Variants in FSTL1 observed in about 807,000 individuals in gnomAD.
The protein encoded by FSTL1 is follistatin-related protein 1.
A neutral mutation model predicts 45.9 loss-of-function variants in FSTL1; 24 were observed. The ratio of observed to expected loss-of-function variants is 0.52; its 90% confidence interval spans 0.38 to 0.74. FSTL1 has a LOEUF of 0.74. Among genes scored for constraint, FSTL1 ranks in the 30% least tolerant of loss-of-function variants. The probability of loss-of-function intolerance (pLI) is 0.00; values close to 1 mark genes in which losing one functional copy is unlikely to be tolerated. For missense variants in FSTL1, 340 were observed against 381.8 expected (o/e 0.89, Z 0.91); for synonymous variants, 120 against 137.6 (o/e 0.87, Z 0.89).
At chr3:120,408,730 G>T (rs540767219) in intron 6 of FSTL1, among the ~76,000 whole-genome samples, 1 of 152,106 alleles carries the variant, frequency 6.6e-6, no homozygotes, top group East Asian at 1.9e-4. Flanking sequence ...CTCTGTATGT[G>T]GTGTGTGTGT....
At chr3:120,433,346 T>G (rs1308986513) in intron 2 of FSTL1, among the ~76,000 whole-genome samples, 1 of 152,242 alleles carries the variant, frequency 6.6e-6, no homozygotes, top group Non-Finnish European at 1.5e-5. Context: ...GACGGGCAAG[T>G]GCTGTCAACC....
At chr3:120,442,929 T>A (rs1448942342) in intron 2 of FSTL1, among the ~76,000 whole-genome samples, 1 of 105,398 alleles carries the variant, frequency 9.5e-6, no homozygotes, top group Non-Finnish European at 1.7e-5. Flanking sequence ...AACATCACAC[T>A]CTGGGGACTG....
chr3:120,411,067 C>T, intron 4 of FSTL1, 83 bp from the exon 5 acceptor site: 3 of 905,446 alleles, frequency 3.3e-6, no homozygotes, highest in Non-Finnish European at 5.3e-6. Flanking sequence ...TACAGCTGCT[C>T]TACATGTAGG....
intron 3 of FSTL1, chr3:120,415,693 ATTC>A: frequency 2.2e-6 from 1 of 460,902 alleles, no homozygotes. Context: ...ATATAAAACA[ATTC>A]TTATTTTTTA....
At chr3:120,424,869 G>A (rs1041380510) in intron 2 of FSTL1, among the ~76,000 whole-genome samples, 2 of 152,102 alleles carry the variant, frequency 1.3e-5, no homozygotes, top group Admixed American at 1.3e-4. Context: ...AGTTATGGAC[G>A]CGTCTCAAGG....
intron 2 of FSTL1, among the ~76,000 whole-genome samples, chr3:120,449,438 C>A (rs1937833486): frequency 6.6e-6 from 1 of 152,182 alleles, no homozygotes; most frequent in Non-Finnish European, 1.5e-5. Context: ...GGGTTCAAAT[C>A]CCACCCTTAG....
At chr3:120,400,099 A>G (rs1936791767) in intron 9 of FSTL1, 140 bp from the exon 10 acceptor site, 1 of 653,830 alleles carries the variant, frequency 1.5e-6, no homozygotes, top group Admixed American at 2.4e-5. Flanking sequence ...TTTTCTGAGT[A>G]TGAAGGCATG....
At chr3:120,430,334 C>G (rs532482337) in intron 2 of FSTL1, among the ~76,000 whole-genome samples, 1 of 152,280 alleles carries the variant, frequency 6.6e-6, no homozygotes, top group Admixed American at 6.5e-5. Context: ...CTGGGAGTCC[C>G]TGGGCCAACA....
intron 9 of FSTL1, among the ~76,000 whole-genome samples, chr3:120,401,476 C>T (rs1936824803): frequency 1.3e-5 from 2 of 152,168 alleles, no homozygotes. Flanking sequence ...AGAGCCTCAT[C>T]CTGGGTTTCT....
intron 9 of FSTL1, among the ~76,000 whole-genome samples, chr3:120,401,644 G>A (rs540604650): frequency 6.0e-5 from 9 of 151,154 alleles, no homozygotes; most frequent in African/African-American, 1.9e-4. Flanking sequence ...ATGCAGTGGC[G>A]TGACTATGGC....
chr3:120,402,762 A>G, intron 9 of FSTL1, 46 bp downstream of exon 9: 1 of 1,137,188 alleles, frequency 8.8e-7, no homozygotes, highest in Non-Finnish European at 1.3e-6. Context: ...GATTTCATGA[A>G]GCTCTCTCCT....
In FSTL1 at chr3:120,395,755, T is replaced by C. The variant is rs1367067422; in HGVS notation, c.*1197A>G. The stretch of plus-strand genomic sequence containing the variant: ...TCAGAACCACAGAATTTATAACTTA[T>C]CAAATCAAAAGGTTAGTGCATTCTT... On this transcript the variant is annotated 3_prime_UTR_variant, in exon 11 of 11. Coordinates refer to ENST00000295633, the MANE Select transcript of FSTL1 (RefSeq NM_007085.5). 1 of 532,276 alleles carries C rather than the reference T, an allele frequency of 1.9e-6. No individual in the cohort carries two copies. Among genetic ancestry groups the C allele is most frequent in the Non-Finnish European group, 3.9e-6 (1 of 259,688 alleles). 33.0% of individuals were successfully genotyped at this position (532,276 alleles called of 1,614,324 possible).
Position 120,445,878 on chromosome 3 carries a change from G to A in FSTL1, c.63+4806C>T, listed in dbSNP as rs114711679. Among the ~76,000 whole-genome samples the A allele has an allele frequency of 2.0e-3, 297 of 149,974 alleles. 38 individuals carry two copies. Among genetic ancestry groups the A allele is most frequent in the African/African-American group, 7.0e-3 (275 of 39,326 alleles). ...CTCAGCTGCAGCAGGGGATAGGCTC[G>A]ATGAGGACAGTGAAGGGAAGGCCAC... On this transcript the variant is annotated intron_variant, in intron 2 of 10. Transcript: ENST00000295633.
intron 2 of FSTL1, among the ~76,000 whole-genome samples, chr3:120,434,576 C>A (rs1937521345): frequency 6.6e-6 from 1 of 152,188 alleles, no homozygotes; most frequent in Non-Finnish European, 1.5e-5. Flanking sequence ...GTTTGGGAAA[C>A]ATTACTTATT....
intron 7 of FSTL1, among the ~76,000 whole-genome samples, chr3:120,403,948 A>C (rs1936888987): frequency 9.6e-6 from 1 of 103,888 alleles, no homozygotes; most frequent in African/African-American, 3.9e-5. Context: ...AAAAAAACAA[A>C]AACAAAACAA....
intron 7 of FSTL1, among the ~76,000 whole-genome samples, chr3:120,404,461 A>G (rs1394724257): frequency 6.6e-6 from 1 of 152,272 alleles, no homozygotes; most frequent in African/African-American, 2.4e-5. Context: ...ATGAAATAGC[A>G]CTAATTATCT....
intron 2 of FSTL1, among the ~76,000 whole-genome samples, chr3:120,440,913 C>T (rs1452618478): frequency 6.6e-6 from 1 of 152,166 alleles, no homozygotes; most frequent in African/African-American, 2.4e-5. Flanking sequence ...GTACAGAGAG[C>T]TGGCTCCAGG....
chr3:120,402,502 T>G (rs1936845604), intron 9 of FSTL1, among the ~76,000 whole-genome samples: 1 of 152,160 alleles, frequency 6.6e-6, no homozygotes, highest in Admixed American at 6.5e-5. Context: ...TATTCCATTA[T>G]TACTACTTTC....
chr3:120,412,838 G>GCGCGCACACACACACACA (rs1429168694), intron 3 of FSTL1, among the ~76,000 whole-genome samples: 2 of 106,192 alleles, frequency 1.9e-5, no homozygotes, highest in East Asian at 6.1e-4. Flanking sequence ...GCGCGCGCGC[G>GCGCGCACACACACACACA]CACACACACA....
Sources: gnomAD v4.1 joint callset for allele counts (sites outside exome capture counted in the v4.1 genomes callset) on GRCh38, gnomAD v4.1.1 for gene constraint, MANE v1.5 for transcripts, NCBI Gene and HGNC (gene_info 2026-07-23, HGNC 2026-07-21) for gene names.